Variants in L3MBTL4 observed in about 807,000 individuals in gnomAD.
L3MBTL4 encodes the protein lethal(3)malignant brain tumor-like protein 4.
A neutral mutation model predicts 84.5 loss-of-function variants in L3MBTL4; 70 were observed. That is an observed-to-expected ratio of 0.83 (90% CI 0.68 to 1.01). The LOEUF (loss-of-function observed/expected upper bound fraction) is 1.01. Ranked by LOEUF, L3MBTL4 falls within the 50% of genes least tolerant of loss-of-function variation. The probability of loss-of-function intolerance (pLI) is 0.00; values close to 1 mark genes in which losing one functional copy is unlikely to be tolerated. For synonymous variants in L3MBTL4, 274 were observed against 259.8 expected, an observed-to-expected ratio of 1.05 and a Z score of -0.52; for missense variants, 715 against 754.8, an observed-to-expected ratio of 0.95 and a Z score of 0.62.
chr18:6,002,754 G>T (rs1454118728), intron 16 of L3MBTL4, among the ~76,000 whole-genome samples: 2 of 151,764 alleles, frequency 1.3e-5, no homozygotes, highest in African/African-American at 4.8e-5. Flanking sequence ...AAACACAAAA[G>T]AATACAATAA....
Position 6,329,151 on chromosome 18 carries a change from CT to C in L3MBTL4, c.-90-17096del, listed in dbSNP as rs992694853. Among the ~76,000 whole-genome samples, 1,028 of 126,530 alleles carry C rather than the reference CT, an allele frequency of 8.1e-3. 1 individual carries two copies. The highest frequency in any genetic ancestry group is 0.027 in the African/African-American group (900 of 33,074). 83.0% of individuals were successfully genotyped at this position (126,530 alleles called of 152,430 possible). A position where few individuals can be genotyped will look rare whatever the true frequency, so the allele number is the denominator to read the frequency against. ...TTTCTTTTGTTTCTTTTTTTCTTTT[CT>C]TTTTTTTTTTTTTTTTTTTGAGACG... On this transcript the variant is annotated intron_variant, in intron 1 of 18. Coordinates refer to ENST00000317931, the MANE Select transcript of L3MBTL4 (RefSeq NM_001330559.2).
chr18:6,340,581 AG>A (rs2052559023), intron 1 of L3MBTL4, among the ~76,000 whole-genome samples: 1 of 152,160 alleles, frequency 6.6e-6, no homozygotes, highest in Non-Finnish European at 1.5e-5. Flanking sequence ...AGCATGGCAA[AG>A]GGGCAGGGGC....
At chr18:6,032,544 T>G (rs2055876922) in intron 16 of L3MBTL4, among the ~76,000 whole-genome samples, 1 of 152,072 alleles carries the variant, frequency 6.6e-6, no homozygotes. Context: ...CTGTTTTTTT[T>G]TTATTGTGGT....
intron 1 of L3MBTL4, among the ~76,000 whole-genome samples, chr18:6,401,859 T>C (rs55802709): frequency 0.069 from 10,556 of 152,126 alleles, 481 homozygotes; most frequent in Non-Finnish European, 0.1. Flanking sequence ...AGGGCAAGGG[T>C]GTAGAAGAGC....
chr18:5,964,550 G>A (rs2052242054), intron 17 of L3MBTL4, among the ~76,000 whole-genome samples: 1 of 151,668 alleles, frequency 6.6e-6, no homozygotes, highest in African/African-American at 2.4e-5. Flanking sequence ...AGGCTGCTCT[G>A]CTTATGAGCA....
At chr18:6,073,742 C>T (rs537453657) in intron 16 of L3MBTL4, among the ~76,000 whole-genome samples, 3 of 152,146 alleles carry the variant, frequency 2.0e-5, no homozygotes, top group African/African-American at 7.2e-5. Context: ...TCTTTTTTCA[C>T]GAACTTCACA....
intron 4 of L3MBTL4, among the ~76,000 whole-genome samples, chr18:6,285,582 A>C (rs901367695): frequency 6.6e-6 from 1 of 152,046 alleles, no homozygotes. Flanking sequence ...AGAGCCAAGA[A>C]GTCAGGGAAA....
rs771137730 is a variant in L3MBTL4 at position 5,956,348 on chromosome 18, C to A, written c.1717G>T (p.Asp573Tyr). ...GKAFLLLTQT[D>Y]IVKVMKIKLG... ...TTGATCTTCATCACTTTGACAATGT[C>A]CGTCTGTGTCAGAAGCAGGAAGGCT... is the stretch of plus-strand genomic sequence containing the variant. Residue 573 changes from aspartate to tyrosine, a missense_variant, in exon 19 of 19, where the codon GAC (aspartate) becomes TAC (tyrosine). By Grantham distance (160) the Asp-to-Tyr change is radical. Coordinates refer to ENST00000317931, the MANE Select transcript of L3MBTL4 (RefSeq NM_001330559.2). The A allele has an allele frequency of 6.2e-7, 1 of 1,614,076 alleles. No homozygotes were observed. Among genetic ancestry groups the A allele is most frequent in the South Asian group, 1.1e-5 (1 of 91,066 alleles).
At chr18:6,360,825 A>G (rs1474005291) in intron 1 of L3MBTL4, among the ~76,000 whole-genome samples, 2 of 151,566 alleles carry the variant, frequency 1.3e-5, no homozygotes, top group Admixed American at 6.6e-5. Flanking sequence ...CCTCATCTCT[A>G]CAAAAAAGAA....
intron 3 of L3MBTL4, among the ~76,000 whole-genome samples, chr18:6,307,649 G>C (rs1405613638): frequency 6.6e-6 from 1 of 152,030 alleles, no homozygotes; most frequent in African/African-American, 2.4e-5. Context: ...GTACTTAGTT[G>C]TTTTCCATTA....
At chr18:6,364,256 T>A (rs1412414374) in intron 1 of L3MBTL4, among the ~76,000 whole-genome samples, 1 of 152,128 alleles carries the variant, frequency 6.6e-6, no homozygotes, top group Non-Finnish European at 1.5e-5. Context: ...AGAATATAAC[T>A]ATTTTCATTA....
At chr18:6,067,308 G>A (rs2057435466) in intron 16 of L3MBTL4, among the ~76,000 whole-genome samples, 1 of 152,106 alleles carries the variant, frequency 6.6e-6, no homozygotes, top group African/African-American at 2.4e-5. Flanking sequence ...AATTTCCCAG[G>A]AGTTCCTTGA....
At chr18:6,141,764 T>G (rs918136586) in intron 13 of L3MBTL4, among the ~76,000 whole-genome samples, 1 of 152,230 alleles carries the variant, frequency 6.6e-6, no homozygotes, top group African/African-American at 2.4e-5. Flanking sequence ...CATTCTTCAC[T>G]CTTCCTAATC....
chr18:6,051,729 G>C (rs184510013), intron 16 of L3MBTL4, among the ~76,000 whole-genome samples: 1 of 152,286 alleles, frequency 6.6e-6, no homozygotes, highest in African/African-American at 2.4e-5. Flanking sequence ...TTGTGGGACT[G>C]TCTGAGGAGG....
chr18:6,247,318 G>T (rs928558145), intron 5 of L3MBTL4, among the ~76,000 whole-genome samples: 2 of 151,750 alleles, frequency 1.3e-5, no homozygotes, highest in African/African-American at 4.8e-5. Context: ...CCCATACACC[G>T]CCTGCAAAGC....
intron 14 of L3MBTL4, among the ~76,000 whole-genome samples, chr18:6,131,139 T>C (rs9963879): frequency 0.052 from 7,961 of 152,250 alleles, 705 homozygotes; most frequent in African/African-American, 0.18. Context: ...AAGAATACTG[T>C]TTACTTCCTT....
At chr18:6,353,773 GA>G (rs2053310467) in intron 1 of L3MBTL4, among the ~76,000 whole-genome samples, 1 of 151,598 alleles carries the variant, frequency 6.6e-6, no homozygotes, top group Non-Finnish European at 1.5e-5. Flanking sequence ...ACTGATGAAA[GA>G]AATTGAAGAG....
chr18:6,361,767 C>T (rs2053704422), intron 1 of L3MBTL4, among the ~76,000 whole-genome samples: 1 of 152,098 alleles, frequency 6.6e-6, no homozygotes, highest in South Asian at 2.1e-4. Context: ...CCATGTACGT[C>T]GTCTCTTTCC....
rs370638631 is a variant in L3MBTL4 at position 6,295,342 on chromosome 18, C to CTATATATA, written c.127+6560_127+6561insTATATATA. Among the ~76,000 whole-genome samples, 13 of 117,108 alleles carry CTATATATA rather than the reference C, an allele frequency of 1.1e-4. No homozygotes were observed. The East Asian group carries it at 1.4e-3, about 13-fold the overall frequency. 76.8% of individuals were successfully genotyped at this position (117,108 alleles called of 152,430 possible). ...TCTCTCTCTCTCTCTCTCTCTCTCT[C>CTATATATA]TCTCTATATATATATATATATATAT... On this transcript the variant is annotated intron_variant, in intron 4 of 18. Coordinates refer to ENST00000317931, the MANE Select transcript of L3MBTL4 (RefSeq NM_001330559.2).
Sources: gnomAD v4.1 joint callset for allele counts (sites outside exome capture counted in the v4.1 genomes callset) on GRCh38, gnomAD v4.1.1 for gene constraint, MANE v1.5 for transcripts, NCBI Gene and HGNC (gene_info 2026-07-23, HGNC 2026-07-21) for gene names.